KALRN: variants seen among roughly 807,000 people sequenced by gnomAD.
KALRN encodes the protein kalirin.
A neutral mutation model predicts 353.7 loss-of-function variants in KALRN; 70 were observed. The ratio of observed to expected loss-of-function variants is 0.20; its 90% CI spans 0.16 to 0.24. The LOEUF (loss-of-function observed/expected upper bound fraction) is 0.24. Ranked by LOEUF, KALRN falls within the 10% of genes least tolerant of loss-of-function variation. KALRN has a pLI of 1.00. For synonymous variants in KALRN, 1,391 were observed against 1,434.8 expected, an observed-to-expected ratio of 0.97 and a Z score of 0.69; for missense variants, 2,791 against 3,756.7, an observed-to-expected ratio of 0.74 and a Z score of 6.72.
intron 33 of KALRN, among the ~76,000 whole-genome samples, chr3:124,533,879 A>G (rs1448796431): frequency 6.6e-6 from 1 of 152,004 alleles, no homozygotes; most frequent in Non-Finnish European, 1.5e-5. Context: ...GGAAAGAGTA[A>G]CTTCACAGTG....
At chr3:124,256,844 A>G (rs2072076978) in intron 3 of KALRN, among the ~76,000 whole-genome samples, 1 of 152,194 alleles carries the variant, frequency 6.6e-6, no homozygotes, top group South Asian at 2.1e-4. Context: ...CCTCGCAGTG[A>G]TTTCATGGCA....
chr3:124,169,338 G>A (rs1435329182), intron 1 of KALRN, among the ~76,000 whole-genome samples: 1 of 152,148 alleles, frequency 6.6e-6, no homozygotes, highest in East Asian at 1.9e-4. Context: ...ATAGGGTAGG[G>A]ATGGGGTGGA....
chr3:124,034,653 A>C (rs537925570), intron 1 of KALRN, among the ~76,000 whole-genome samples: 6 of 151,958 alleles, frequency 3.9e-5, no homozygotes, highest in African/African-American at 1.4e-4. Context: ...TAGAACCGGC[A>C]CTGACCACCC....
intron 47 of KALRN, among the ~76,000 whole-genome samples, chr3:124,669,314 G>T (rs773496499): frequency 6.6e-5 from 10 of 152,168 alleles, no homozygotes; most frequent in Non-Finnish European, 4.4e-5. Flanking sequence ...AGTGAAGAAA[G>T]AAACAGGATC....
In KALRN at chr3:124,645,905, T is replaced by C. The variant is rs1482243083; in HGVS notation, c.5665-4903T>C. Among the ~76,000 whole-genome samples the C allele has an allele frequency of 3.9e-5, 3 of 77,264 alleles. No individual in the cohort carries two copies. The Admixed American group carries it at 4.0e-4, about 10-fold the overall frequency. 50.7% of individuals were successfully genotyped at this position (77,264 alleles called of 152,430 possible). A position where few individuals can be genotyped will look rare whatever the true frequency, so the allele number is the denominator to read the frequency against. ...CTGTTTTCCAAAATGTCTACATAAG[T>C]CTACATTCCCACCAACACGTACCAG... On this transcript the variant is annotated intron_variant, in intron 37 of 59. Coordinates refer to ENST00000682506, the MANE Select transcript of KALRN (RefSeq NM_001388419.1).
intron 37 of KALRN, among the ~76,000 whole-genome samples, chr3:124,643,947 G>A (rs1381167595): frequency 6.6e-6 from 1 of 152,142 alleles, no homozygotes; most frequent in Non-Finnish European, 1.5e-5. Flanking sequence ...ATTTTAATTA[G>A]TTAAATAAAA....
At chr3:124,316,014 A>C (rs1290691464) in intron 6 of KALRN, among the ~76,000 whole-genome samples, 3 of 152,200 alleles carry the variant, frequency 2.0e-5, no homozygotes, top group Admixed American at 1.3e-4. Flanking sequence ...AGGAAACTGA[A>C]GAGGTGTGAG....
At chr3:124,037,046 C>G (rs975406684) in intron 1 of KALRN, among the ~76,000 whole-genome samples, 1 of 152,190 alleles carries the variant, frequency 6.6e-6, no homozygotes, top group African/African-American at 2.4e-5. Flanking sequence ...TTTTATTGAT[C>G]ATAGTTATGA....
intron 1 of KALRN, among the ~76,000 whole-genome samples, chr3:124,127,888 G>A (rs1300598200): frequency 6.6e-6 from 1 of 152,054 alleles, no homozygotes; most frequent in Non-Finnish European, 1.5e-5. Flanking sequence ...TTGCCAGTGT[G>A]TTATACTTTT....
chr3:124,405,119 T>C (rs2091368782), intron 13 of KALRN, among the ~76,000 whole-genome samples: 1 of 152,240 alleles, frequency 6.6e-6, no homozygotes. Flanking sequence ...AATATTTATT[T>C]CATAGTCTCT....
At position 124,520,962 on chromosome 3, in the gene KALRN, T is replaced by C. The variant is rs1047231346; in HGVS notation, c.4935+24549T>C. Among the ~76,000 whole-genome samples, 5 of 152,314 alleles carry C rather than the reference T, an allele frequency of 3.3e-5. No individual in the cohort carries two copies. In the East Asian group the frequency reaches 9.6e-4, roughly 29 times the overall value. ...TCTCTCATCCCCAAATCCATGCTTT[T>C]CCAGGTCACTGGGCTGATGGCCCAG... On this transcript the variant is annotated intron_variant, in intron 33 of 59. Transcript: ENST00000682506.
At chr3:124,370,705 A>T (rs2085718540) in intron 10 of KALRN, among the ~76,000 whole-genome samples, 1 of 152,194 alleles carries the variant, frequency 6.6e-6, no homozygotes, top group South Asian at 2.1e-4. Flanking sequence ...ACTTGTTTAA[A>T]ATCTCCATTA....
chr3:124,080,126 A>T (rs2060466297), intron 1 of KALRN: 1 of 469,072 alleles, frequency 2.1e-6, no homozygotes, highest in Non-Finnish European at 4.4e-6. Flanking sequence ...GGCTGTCTGA[A>T]CACGAAACTT....
At chr3:124,551,973 A>G (rs571445110) in intron 33 of KALRN, among the ~76,000 whole-genome samples, 1 of 152,284 alleles carries the variant, frequency 6.6e-6, no homozygotes, top group South Asian at 2.1e-4. Flanking sequence ...TTAGCTAGTC[A>G]TTTTACCTCT....
chr3:124,182,687 G>T (rs1359868059), intron 1 of KALRN, among the ~76,000 whole-genome samples: 1 of 152,168 alleles, frequency 6.6e-6, no homozygotes, highest in East Asian at 1.9e-4. Context: ...CACAGGCAGG[G>T]AGTATTAACC....
chr3:124,657,760 G>A lies in KALRN; in HGVS notation c.5993G>A (p.Cys1998Tyr). Residue 1998 changes from cysteine to tyrosine, a missense_variant, in exon 41 of 60, where the codon TGT becomes TAT. This residue lies in a region of KALRN where 1,065 missense variants were observed against 1,156.4 expected (regional missense o/e 0.92). Transcript: ENST00000682506. ...TTTTTCCTGGCGGAACTGGAAAAGTGTATCCAGGAGCAAGACAGATTGGCA... is the reference window on the plus strand; with the variant it reads ...TTTTTCCTGGCGGAACTGGAAAAGTATATCCAGGAGCAAGACAGATTGGCA... ...KDFFLAELEK[C>Y]IQEQDRLAQL... 6.2e-7 allele frequency: 1 copy of A among 1,613,840 alleles called. No individual in the cohort carries two copies. Among genetic ancestry groups the A allele is most frequent in the South Asian group, 1.1e-5 (1 of 91,072 alleles).
chr3:124,439,362 A>G (rs2093601105), intron 18 of KALRN, among the ~76,000 whole-genome samples: 1 of 152,030 alleles, frequency 6.6e-6, no homozygotes, highest in South Asian at 2.1e-4. Flanking sequence ...TCCAACATTT[A>G]TTTCTCTCTT....
intron 34 of KALRN, chr3:124,584,528 G>T: frequency 1.1e-6 from 1 of 938,484 alleles, no homozygotes; most frequent in Non-Finnish European, 1.4e-6. Context: ...CCACAGCGTT[G>T]GTGCCACAGG....
intron 33 of KALRN, chr3:124,519,345 C>A (rs1210590672): frequency 2.0e-6 from 2 of 985,312 alleles, no homozygotes; most frequent in African/African-American, 3.5e-5. Context: ...TAAAAGTCCT[C>A]CAGTTTCCAA....
Sources: allele counts gnomAD v4.1 joint callset (sites outside exome capture counted in the v4.1 genomes callset), GRCh38; gene constraint gnomAD v4.1.1; regional missense constraint gnomAD v4.1.1; transcripts MANE v1.5; gene names NCBI Gene and HGNC (gene_info 2026-07-23, HGNC 2026-07-21).